The following PDZRN3 variants were observed in gnomAD, a reference collection of about 807,000 sequenced individuals.
PDZRN3 encodes E3 ubiquitin-protein ligase PDZRN3.
Under a neutral mutation model 85.7 loss-of-function variants are expected in PDZRN3, and 38 were observed. That is an observed-to-expected ratio of 0.44 (90% confidence interval 0.34 to 0.58). PDZRN3 has a LOEUF of 0.58. Ranked by LOEUF, PDZRN3 falls within the 20% of genes least tolerant of loss-of-function variation. The probability of loss-of-function intolerance (pLI) is 0.01; values close to 1 mark genes in which losing one functional copy is unlikely to be tolerated. For synonymous variants in PDZRN3, 759 were observed against 638.0 expected (o/e 1.19, Z -2.86); for missense variants, 1,629 against 1,506.4 (o/e 1.08, Z -1.35).
At chr3:73,431,984 C>T (rs988325915) in intron 3 of PDZRN3, among the ~76,000 whole-genome samples, 1 of 152,114 alleles carries the variant, frequency 6.6e-6, no homozygotes, top group African/African-American at 2.4e-5. Flanking sequence ...ATTAATACAT[C>T]CACAACTGTG....
intron 3 of PDZRN3, among the ~76,000 whole-genome samples, chr3:73,526,312 A>G (rs529653275): frequency 7.0e-4 from 106 of 152,276 alleles, no homozygotes; most frequent in Non-Finnish European, 7.8e-4. Context: ...CATCAAATCA[A>G]TTTACTTGTA....
chr3:73,504,949 CAAT>C (rs1267028012), intron 3 of PDZRN3, among the ~76,000 whole-genome samples: 5 of 152,138 alleles, frequency 3.3e-5, no homozygotes, highest in African/African-American at 1.2e-4. Flanking sequence ...AGCAAAACAA[CAAT>C]GTTTTCATAT....
chr3:73,502,619 G>A (rs1272888909), intron 3 of PDZRN3, among the ~76,000 whole-genome samples: 1 of 152,156 alleles, frequency 6.6e-6, no homozygotes, highest in Admixed American at 6.5e-5. Flanking sequence ...TTTATGGTAT[G>A]CTATGTTCTG....
chr3:73,595,243 G>T (rs1000914908), intron 3 of PDZRN3, among the ~76,000 whole-genome samples: 10 of 152,182 alleles, frequency 6.6e-5, no homozygotes, highest in African/African-American at 2.4e-4. Context: ...AACGCAGCTT[G>T]AATTATATCA....
In PDZRN3 at chr3:73,602,453, G is replaced by A. The variant is rs768087497; in HGVS notation, c.819C>T (p.His273=). The change falls in exon 3 of 10, where the codon CAC becomes CAT. Residue 273 remains histidine (H), a synonymous_variant. Transcript: ENST00000263666. ...AGATTCCTTCACTGGATGATCCATC[G>A]TGGTTATCCTTTGGGTTAAAAAAAA... is the stretch of plus-strand genomic sequence containing the variant. ...IIGGRPSVDN[H]DGSSSEGIFV... is the part of the protein sequence containing the mutation. The A allele has an allele frequency of 1.8e-5, 28 of 1,532,628 alleles. No homozygotes were observed. Among genetic ancestry groups the A allele is most frequent in the African/African-American group, 1.7e-4 (10 of 58,390 alleles). The allele number at this position is 1,532,628 out of a possible 1,614,324, so 94.9% of individuals were successfully genotyped here.
chr3:73,443,222 C>T (rs570461746), intron 3 of PDZRN3, among the ~76,000 whole-genome samples: 1 of 152,308 alleles, frequency 6.6e-6, no homozygotes, highest in Admixed American at 6.5e-5. Context: ...ACAAAACCCC[C>T]CCTACCCTCC....
At chr3:73,476,100 C>T (rs1482244485) in intron 3 of PDZRN3, among the ~76,000 whole-genome samples, 1 of 152,206 alleles carries the variant, frequency 6.6e-6, no homozygotes, top group Non-Finnish European at 1.5e-5. Context: ...TTAATGATCC[C>T]TGCCTCCTGG....
intron 3 of PDZRN3, among the ~76,000 whole-genome samples, chr3:73,498,105 A>G (rs1703902861): frequency 6.6e-6 from 1 of 152,190 alleles, no homozygotes; most frequent in Admixed American, 6.5e-5. Context: ...TGCCTCTGTC[A>G]TGTAGAGATA....
chr3:73,581,874 A>G (rs2106867888), intron 3 of PDZRN3, among the ~76,000 whole-genome samples: 1 of 151,992 alleles, frequency 6.6e-6, no homozygotes, highest in East Asian at 1.9e-4. Flanking sequence ...CAGGGCAAGA[A>G]GATAGCTTGA....
Position 73,386,541 on chromosome 3 carries a change from G to A in PDZRN3, c.1519-756C>T, listed in dbSNP as rs147379282. Among the ~76,000 whole-genome samples the A allele has an allele frequency of 4.6e-5, 7 of 152,268 alleles. No homozygotes were observed. In the East Asian group the frequency reaches 1.4e-3, roughly 29 times the overall value. ...TTATCTGCCTTGCCCAAAAAAGAGT[G>A]AACTATTCAGAAGTTGGCACTCTAT... On this transcript the variant is annotated intron_variant, in intron 8 of 9. Coordinates refer to ENST00000263666, the MANE Select transcript of PDZRN3 (RefSeq NM_015009.3).
Position 73,391,022 on chromosome 3 carries a change from C to A in PDZRN3, c.1349G>T (p.Ser450Ile). 6.2e-7 allele frequency: 1 copy of A among 1,607,538 alleles called. No homozygotes were observed. Among genetic ancestry groups the A allele is most frequent in the Non-Finnish European group, 8.5e-7 (1 of 1,174,298 alleles). Residue 450 changes from serine (S) to isoleucine (I), a missense_variant, in exon 6 of 10, where the codon AGT becomes ATT. Ser to Ile is a moderately radical substitution (Grantham distance 142, BLOSUM62 -2). Coordinates refer to ENST00000263666, the MANE Select transcript of PDZRN3 (RefSeq NM_015009.3). ...DDEDDIGIYI[S>I]EIDPNSIAAK... ...AAACAAAATCAGCCTTTGTACCTCA[C>A]TGATATAAATCCCAATGTCGTCTTC...
intron 3 of PDZRN3, among the ~76,000 whole-genome samples, chr3:73,497,601 G>A (rs1038459186): frequency 3.9e-5 from 6 of 152,252 alleles, no homozygotes; most frequent in African/African-American, 7.2e-5. Flanking sequence ...AATTCCAAAC[G>A]TATATAAAAG....
chr3:73,403,012 C>T (rs1311179031), intron 4 of PDZRN3, among the ~76,000 whole-genome samples: 10 of 146,792 alleles, frequency 6.8e-5, no homozygotes, highest in African/African-American at 1.6e-4. Context: ...GGCATGATCT[C>T]GGCTCACTGC....
chr3:73,461,940 A>G (rs1703112862), intron 3 of PDZRN3, among the ~76,000 whole-genome samples: 4 of 152,210 alleles, frequency 2.6e-5, no homozygotes, highest in South Asian at 4.1e-4. Flanking sequence ...TAATGAAGAA[A>G]ATAAATACAC....
At chr3:73,460,732 T>G (rs1373847929) in intron 3 of PDZRN3, among the ~76,000 whole-genome samples, 1 of 152,226 alleles carries the variant, frequency 6.6e-6, no homozygotes, top group Non-Finnish European at 1.5e-5. Context: ...TATTTTCATC[T>G]AGTAAATGAA....
intron 3 of PDZRN3, among the ~76,000 whole-genome samples, chr3:73,437,798 GC>G (rs2106814585): frequency 6.6e-6 from 1 of 151,752 alleles, no homozygotes; most frequent in African/African-American, 2.4e-5. Context: ...TCAAAATGTT[GC>G]TTTCCTATAG....
intron 3 of PDZRN3, among the ~76,000 whole-genome samples, chr3:73,426,893 G>C (rs1183370023): frequency 6.6e-6 from 1 of 152,132 alleles, no homozygotes; most frequent in Non-Finnish European, 1.5e-5. Flanking sequence ...AACTTCCAGA[G>C]ACTCTTCCAC....
chr3:73,436,367 C>T (rs909350181), intron 3 of PDZRN3, among the ~76,000 whole-genome samples: 5 of 152,294 alleles, frequency 3.3e-5, no homozygotes, highest in East Asian at 1.9e-4. Flanking sequence ...ATGACCTGTG[C>T]GGTCTCACAG....
At chr3:73,462,908 G>A (rs1242026630) in intron 3 of PDZRN3, among the ~76,000 whole-genome samples, 1 of 152,194 alleles carries the variant, frequency 6.6e-6, no homozygotes, top group Non-Finnish European at 1.5e-5. Context: ...ATTATGCCCA[G>A]AATCAGGATT....
Sources: allele counts gnomAD v4.1 joint callset (sites outside exome capture counted in the v4.1 genomes callset), GRCh38; gene constraint gnomAD v4.1.1; transcripts MANE v1.5; gene names NCBI Gene and HGNC (gene_info 2026-07-23, HGNC 2026-07-21).